Variants in ANKAR observed in about 807,000 individuals in gnomAD.
ANKAR encodes the protein ankyrin and armadillo repeat containing.
A neutral mutation model predicts 146.2 loss-of-function variants in ANKAR; 136 were observed. The ratio of observed to expected loss-of-function variants is 0.93; its 90% CI spans 0.81 to 1.07. The LOEUF (loss-of-function observed/expected upper bound fraction) is 1.07, where lower values mean the gene tolerates loss of function less well. ANKAR is among the 50% of genes least tolerant of loss of function. ANKAR has a pLI of 0.00. For synonymous variants in ANKAR, 500 were observed against 575.8 expected (o/e 0.87, Z 1.88); for missense variants, 1,567 against 1,679.9 (o/e 0.93, Z 1.18).
At chr2:189,709,776 G>C (rs1281091468) in intron 9 of ANKAR, among the ~76,000 whole-genome samples, 1 of 152,172 alleles carries the variant, frequency 6.6e-6, no homozygotes, top group East Asian at 1.9e-4. Flanking sequence ...GCATGCATTT[G>C]TATCATTTCG....
chr2:189,704,091 A>G (rs1036394158), intron 7 of ANKAR, among the ~76,000 whole-genome samples: 2 of 152,098 alleles, frequency 1.3e-5, no homozygotes, highest in African/African-American at 4.8e-5. Flanking sequence ...TATTACCAGT[A>G]ATAATGATGC....
chr2:189,727,523 C>CAAAAAAAAA lies in ANKAR; in HGVS notation c.2636-318_2636-310dup, dbSNP rs777516459. ...TGGGTGATAGAGCCAAACCTTGTCTCAAAAAAAAAAAAAAAAAAAAAAAGG... is the reference window on the plus strand; with the variant it reads ...TGGGTGATAGAGCCAAACCTTGTCTCAAAAAAAAAAAAAAAAAAAAAAAAAAAAAAAAGG... On this transcript the variant is annotated intron_variant, in intron 12 of 22. Coordinates refer to ENST00000684021, the MANE Select transcript of ANKAR (RefSeq NM_001378068.1). Among the ~76,000 whole-genome samples, 4 of 58,920 alleles carry CAAAAAAAAA rather than the reference C, an allele frequency of 6.8e-5. 2 individuals are homozygous for CAAAAAAAAA. The highest frequency in any genetic ancestry group is 1.5e-4 in the African/African-American group (2 of 13,454). 38.7% of individuals were successfully genotyped at this position (58,920 alleles called of 152,430 possible). A position where few individuals can be genotyped will look rare whatever the true frequency, so the allele number is the denominator to read the frequency against.
intron 2 of ANKAR, 65 bp downstream of exon 2, chr2:189,677,156 A>C (rs1574310709): frequency 7.1e-7 from 1 of 1,411,586 alleles, no homozygotes; most frequent in South Asian, 1.6e-5. Flanking sequence ...TTACTACGTC[A>C]CCCAGGGTGG....
Position 189,715,639 on chromosome 2 carries a change from A to G in ANKAR, c.2225-3933A>G, listed in dbSNP as rs2040359966. Among the ~76,000 whole-genome samples, 3 of 152,356 alleles carry G rather than the reference A, an allele frequency of 2.0e-5. No homozygotes were observed. In the South Asian group the frequency reaches 6.2e-4, roughly 32 times the overall value. The stretch of plus-strand genomic sequence containing the variant: ...AAGCCTGGCAGAGACAAAACAAAAA[A>G]GAGAATTTTAGACCAATATCCCTGA... On this transcript the variant is annotated intron_variant, in intron 10 of 22. Coordinates refer to ENST00000684021, the MANE Select transcript of ANKAR (RefSeq NM_001378068.1).
intron 2 of ANKAR, among the ~76,000 whole-genome samples, chr2:189,684,553 T>C (rs1254825749): frequency 6.6e-6 from 1 of 152,102 alleles, no homozygotes; most frequent in Non-Finnish European, 1.5e-5. Flanking sequence ...AAATGGGTAA[T>C]AATAGAATAT....
At chr2:189,750,293 T>G (rs920294778), downstream of ANKAR, among the ~76,000 whole-genome samples, 1 of 152,126 alleles carries the variant, frequency 6.6e-6, no homozygotes, top group Admixed American at 6.5e-5. Flanking sequence ...TTACTGTGCT[T>G]CTTTCAAAGC....
intron 2 of ANKAR, among the ~76,000 whole-genome samples, chr2:189,689,218 G>C (rs970555547): frequency 1.3e-5 from 2 of 152,034 alleles, no homozygotes; most frequent in Non-Finnish European, 2.9e-5. Context: ...TAACATTAAT[G>C]CTGGTCAGTT....
intron 19 of ANKAR, among the ~76,000 whole-genome samples, chr2:189,739,105 C>T (rs2043108674): frequency 6.6e-6 from 1 of 152,186 alleles, no homozygotes; most frequent in South Asian, 2.1e-4. Flanking sequence ...CTTTACATCG[C>T]TGTGCAACAA....
chr2:189,689,985 C>G lies in ANKAR; in HGVS notation c.1039+21C>G, dbSNP rs2036147983. The G allele has an allele frequency of 2.8e-6, 4 of 1,447,042 alleles. No homozygotes were observed. The Middle Eastern group carries it at 6.3e-4, about 226-fold the overall frequency. 89.6% of individuals were successfully genotyped at this position (1,447,042 alleles called of 1,614,324 possible). On this transcript the variant is annotated intron_variant, in intron 3 of 22. Transcript: ENST00000684021. ...TTCAGGTAAGAGTATCACCAAAAAT[C>G]AAATATAAAATATAGGTATATATTA...
intron 3 of ANKAR, among the ~76,000 whole-genome samples, chr2:189,691,609 G>A (rs2036412785): frequency 6.6e-6 from 1 of 151,492 alleles, no homozygotes; most frequent in African/African-American, 2.4e-5. Context: ...CTGGAACAAT[G>A]TTTTGAGCAT....
chr2:189,677,140 A>C, intron 2 of ANKAR, 49 bp downstream of exon 2: 1 of 1,389,404 alleles, frequency 7.2e-7, no homozygotes. Flanking sequence ...TTTTTGGAAC[A>C]GAGTCTTACT....
chr2:189,690,026 G>A (rs2036156772), intron 3 of ANKAR, 62 bp downstream of exon 3: 1 of 1,255,286 alleles, frequency 8.0e-7, no homozygotes. Context: ...ATGTTTAAAT[G>A]CAATTTTGTT....
intron 7 of ANKAR, among the ~76,000 whole-genome samples, chr2:189,699,622 A>G (rs1056920215): frequency 5.3e-5 from 8 of 152,198 alleles, no homozygotes; most frequent in Non-Finnish European, 2.9e-5. Flanking sequence ...AGCACATATA[A>G]GTATCTATAT....
At chr2:189,686,147 G>A (rs1180019964) in intron 2 of ANKAR, among the ~76,000 whole-genome samples, 1 of 151,926 alleles carries the variant, frequency 6.6e-6, no homozygotes, top group Non-Finnish European at 1.5e-5. Context: ...CTATTTTGCA[G>A]AAAAGAGATG....
At chr2:189,724,151 C>T (rs1474313876) in intron 12 of ANKAR, among the ~76,000 whole-genome samples, 4 of 152,034 alleles carry the variant, frequency 2.6e-5, no homozygotes, top group African/African-American at 9.7e-5. Flanking sequence ...CTGAGTTGGC[C>T]ATGGGTAGAG....
intron 18 of ANKAR, among the ~76,000 whole-genome samples, chr2:189,759,786 T>C (rs1199768641): frequency 6.6e-6 from 1 of 152,170 alleles, no homozygotes; most frequent in Non-Finnish European, 1.5e-5. Context: ...TTATTGATCA[T>C]TCTTGGGTGT....
chr2:189,743,051 A>C (rs10497706), intron 20 of ANKAR, among the ~76,000 whole-genome samples: 4,951 of 151,082 alleles, frequency 0.033, 291 homozygotes, highest in African/African-American at 0.12. Flanking sequence ...TCTAAAATGC[A>C]GTTAAGACTG....
intron 2 of ANKAR, among the ~76,000 whole-genome samples, chr2:189,680,623 T>C (rs761775679): frequency 6.6e-6 from 1 of 152,000 alleles, no homozygotes; most frequent in Non-Finnish European, 1.5e-5. Context: ...ATCCCAGAGG[T>C]TTTGATATCA....
At chr2:189,754,893 T>C in intron 18 of ANKAR, 1 of 392,024 alleles carries the variant, frequency 2.6e-6, no homozygotes, top group African/African-American at 2.1e-5. Flanking sequence ...ACGAAGCACG[T>C]TCTTTCACAT....
Sources: gnomAD v4.1 joint callset for allele counts (sites outside exome capture counted in the v4.1 genomes callset) on GRCh38, gnomAD v4.1.1 for gene constraint, MANE v1.5 for transcripts, NCBI Gene and HGNC (gene_info 2026-07-23, HGNC 2026-07-21) for gene names.